The following LINGO2 variants were observed in gnomAD, a reference collection of about 807,000 sequenced individuals.
The protein encoded by LINGO2 is leucine-rich repeat and immunoglobulin-like domain-containing nogo receptor-interacting protein 2.
A neutral mutation model predicts 30.6 loss-of-function variants in LINGO2; 14 were observed. The ratio of observed to expected loss-of-function variants is 0.46; its 90% confidence interval spans 0.30 to 0.72. The LOEUF (loss-of-function observed/expected upper bound fraction) is 0.72, where lower values mean the gene tolerates loss of function less well. Among genes scored for constraint, LINGO2 ranks in the 30% least tolerant of loss-of-function variants. The pLI, the probability that LINGO2 is intolerant of heterozygous loss-of-function variation, is 0.07. For synonymous variants in LINGO2, 317 were observed against 288.5 expected (o/e 1.10, Z -1.00); for missense variants, 729 against 751.7 (o/e 0.97, Z 0.35).
chr9:28,489,990 C>A (rs1046262819), intron 1 of LINGO2, among the ~76,000 whole-genome samples: 1 of 150,442 alleles, frequency 6.6e-6, no homozygotes, highest in African/African-American at 2.4e-5. Context: ...ATTAGCAGAC[C>A]AATATTTATA....
chr9:28,388,577 T>G (rs764225458), intron 2 of LINGO2, among the ~76,000 whole-genome samples: 7 of 152,234 alleles, frequency 4.6e-5, no homozygotes, highest in Non-Finnish European at 1.0e-4. Flanking sequence ...AAACTTCATA[T>G]TACATGACTT....
At chr9:28,840,924 T>C in the LINGO2 span, among the ~76,000 whole-genome samples, 1 of 151,896 alleles carries the variant, frequency 6.6e-6, no homozygotes, top group Non-Finnish European at 1.5e-5. Flanking sequence ...GTGTTAAACA[T>C]GAAAAGCTCC....
chr9:28,398,548 T>A (rs1822141854), intron 2 of LINGO2, among the ~76,000 whole-genome samples: 1 of 152,060 alleles, frequency 6.6e-6, no homozygotes, highest in Non-Finnish European at 1.5e-5. Context: ...CAGAAAAGAA[T>A]TAAGCAATAT....
At chr9:29,123,895 A>G in the LINGO2 span, among the ~76,000 whole-genome samples, 1 of 152,122 alleles carries the variant, frequency 6.6e-6, no homozygotes. Context: ...CTTGCTTAAG[A>G]AAAGAATAGC....
intron 4 of LINGO2, among the ~76,000 whole-genome samples, chr9:28,174,777 T>A (rs1033095184): frequency 2.0e-5 from 3 of 152,070 alleles, no homozygotes; most frequent in Non-Finnish European, 4.4e-5. Flanking sequence ...ATACATCGAA[T>A]CCAGTGCCTG....
chr9:28,719,313 T>G, the LINGO2 span, among the ~76,000 whole-genome samples: 1 of 152,046 alleles, frequency 6.6e-6, no homozygotes, highest in Non-Finnish European at 1.5e-5. Flanking sequence ...ATTAACCTCC[T>G]TCCCTGAAGG....
chr9:28,239,600 AC>A (rs1295038988), intron 4 of LINGO2, among the ~76,000 whole-genome samples: 2 of 152,084 alleles, frequency 1.3e-5, no homozygotes, highest in African/African-American at 4.8e-5. Context: ...CATAATAAAA[AC>A]CCTCAACAGT....
the LINGO2 span, among the ~76,000 whole-genome samples, chr9:29,179,752 T>C: frequency 6.6e-6 from 1 of 152,294 alleles, no homozygotes; most frequent in Admixed American, 6.5e-5. Flanking sequence ...AATTCCCTAA[T>C]ATATATCCTA....
chr9:29,135,685 T>A, the LINGO2 span, among the ~76,000 whole-genome samples: 1 of 152,200 alleles, frequency 6.6e-6, no homozygotes, highest in African/African-American at 2.4e-5. Flanking sequence ...TCTTGACTAT[T>A]TTTAAATGTA....
At chr9:28,881,417 C>T in the LINGO2 span, among the ~76,000 whole-genome samples, 1 of 152,076 alleles carries the variant, frequency 6.6e-6, no homozygotes, top group Non-Finnish European at 1.5e-5. Context: ...AGCCACCATG[C>T]CGGTCAGAAT....
At chr9:27,945,376 G>A (rs1413999960), downstream of LINGO2, among the ~76,000 whole-genome samples, 1 of 152,078 alleles carries the variant, frequency 6.6e-6, no homozygotes, top group African/African-American at 2.4e-5. Context: ...TAAGAACTGA[G>A]GAACACAGAA....
chr9:28,906,651 G>C, the LINGO2 span, among the ~76,000 whole-genome samples: 3 of 151,792 alleles, frequency 2.0e-5, no homozygotes, highest in South Asian at 6.2e-4. Flanking sequence ...ACATCTACCA[G>C]AGAATTTAGA....
intron 4 of LINGO2, among the ~76,000 whole-genome samples, chr9:28,062,022 C>T (rs1353081198): frequency 2.0e-5 from 3 of 152,116 alleles, no homozygotes; most frequent in Non-Finnish European, 4.4e-5. Context: ...TATTCTGTCT[C>T]ATTGCCAGAA....
chr9:27,961,419 A>G (rs751782634), intron 5 of LINGO2, among the ~76,000 whole-genome samples: 6 of 152,290 alleles, frequency 3.9e-5, no homozygotes, highest in Middle Eastern at 3.4e-3. Flanking sequence ...AGGTACAGAC[A>G]TAGCGAATAG....
chr9:28,221,447 C>T (rs149699498), intron 4 of LINGO2, among the ~76,000 whole-genome samples: 53 of 151,484 alleles, frequency 3.5e-4, no homozygotes, highest in African/African-American at 1.2e-3. Context: ...ATGTTTTACG[C>T]AGTAAATATA....
At chr9:28,347,233 T>G (rs796841881) in intron 3 of LINGO2, among the ~76,000 whole-genome samples, 1 of 152,214 alleles carries the variant, frequency 6.6e-6, no homozygotes, top group African/African-American at 2.4e-5. Flanking sequence ...CAAAAATTAT[T>G]AAACCTATTA....
the LINGO2 span, among the ~76,000 whole-genome samples, chr9:29,163,172 A>G: frequency 6.6e-6 from 1 of 152,314 alleles, no homozygotes; most frequent in East Asian, 1.9e-4. Flanking sequence ...TCATCATGCC[A>G]AAATGTCATC....
the LINGO2 span, among the ~76,000 whole-genome samples, chr9:28,815,492 C>T: frequency 5.0e-3 from 760 of 152,176 alleles, 8 homozygotes; most frequent in African/African-American, 0.018. Context: ...TTGAAGACAT[C>T]CATTAACTCA....
the LINGO2 span, among the ~76,000 whole-genome samples, chr9:28,891,212 A>G: frequency 4.6e-5 from 7 of 152,024 alleles, no homozygotes; most frequent in Non-Finnish European, 1.0e-4. Flanking sequence ...CTACAAGCAG[A>G]GACCTGTATG....
Sources: allele counts gnomAD v4.1 joint callset (sites outside exome capture counted in the v4.1 genomes callset), GRCh38; gene constraint gnomAD v4.1.1; transcripts MANE v1.5; gene names NCBI Gene and HGNC (gene_info 2026-07-23, HGNC 2026-07-21).